The following GPR21 variants were observed in gnomAD, a reference collection of about 807,000 sequenced individuals.
GPR21 encodes the protein G protein-coupled receptor 21.
In GPR21, 9 loss-of-function variants were observed where a neutral mutation model predicts 21.5. The ratio of observed to expected loss-of-function variants is 0.42; its 90% confidence interval spans 0.25 to 0.73. GPR21 has a LOEUF of 0.73. Among genes scored for constraint, GPR21 ranks in the 30% least tolerant of loss-of-function variants. The pLI is 0.27. For synonymous variants in GPR21, 169 were observed against 159.3 expected, an observed-to-expected ratio of 1.06 and a Z score of -0.46; for missense variants, 416 against 428.9, an observed-to-expected ratio of 0.97 and a Z score of 0.27.
chr9:123,040,696 T>G, the GPR21 span, among the ~76,000 whole-genome samples: 1 of 152,148 alleles, frequency 6.6e-6, no homozygotes, highest in South Asian at 2.1e-4. Flanking sequence ...CATCTTTGTT[T>G]TTTACGTTAG....
At chr9:123,038,544 C>G (rs2032790212), downstream of GPR21, among the ~76,000 whole-genome samples, 1 of 152,068 alleles carries the variant, frequency 6.6e-6, no homozygotes, top group South Asian at 2.1e-4. Context: ...TTTAATTTCA[C>G]TGAGTATGTT....
chr9:123,043,264 C>G, the GPR21 span, among the ~76,000 whole-genome samples: 1 of 152,070 alleles, frequency 6.6e-6, no homozygotes, highest in African/African-American at 2.4e-5. Flanking sequence ...GAAAACAATT[C>G]CCACAGGAAG....
chr9:123,035,340 T>C lies in GPR21; in HGVS notation c.774T>C (p.Thr258=), dbSNP rs759479357. Reference sequence around the variant, plus strand: ...ATGCCATGGTCCTGTTTCGAATCACTAGTGTATTTTACATCCTCTGGTTGC... The same window carrying C: ...ATGCCATGGTCCTGTTTCGAATCACCAGTGTATTTTACATCCTCTGGTTGC... ...KRYAMVLFRI[T]SVFYILWLPY... is the part of the protein sequence containing the mutation. The change falls in exon 2 of 2, where the codon ACT becomes ACC. Residue 258 remains threonine, a synonymous_variant. Transcript: ENST00000616002. 8 of 1,614,168 alleles carry C rather than the reference T, an allele frequency of 5.0e-6. No individual in the cohort carries two copies. The highest frequency in any genetic ancestry group is 6.8e-6 in the Non-Finnish European group (8 of 1,180,008).
downstream of GPR21, among the ~76,000 whole-genome samples, chr9:123,040,383 C>G (rs1195853229): frequency 6.6e-6 from 1 of 152,130 alleles, no homozygotes; most frequent in Non-Finnish European, 1.5e-5. Flanking sequence ...TATTCAGAAG[C>G]TTGCTTGGTG....
chr9:123,038,671 A>T (rs1820108432), downstream of GPR21, among the ~76,000 whole-genome samples: 2 of 152,060 alleles, frequency 1.3e-5, no homozygotes, highest in Non-Finnish European at 2.9e-5. Flanking sequence ...TGAAGTCCTC[A>T]TAAATCATTT....
chr9:123,036,059 A>G (rs925859264), downstream of GPR21, among the ~76,000 whole-genome samples: 4 of 152,234 alleles, frequency 2.6e-5, no homozygotes, highest in African/African-American at 9.6e-5. Context: ...TTCTAACGGA[A>G]TAGTAAAATA....
the GPR21 span, among the ~76,000 whole-genome samples, chr9:123,047,084 T>C: frequency 6.6e-6 from 1 of 152,206 alleles, no homozygotes; most frequent in African/African-American, 2.4e-5. Flanking sequence ...ATAGGAGTTT[T>C]CAGCAGGTTT....
At chr9:123,038,075 G>C (rs1394260789), downstream of GPR21, among the ~76,000 whole-genome samples, 3 of 152,108 alleles carry the variant, frequency 2.0e-5, no homozygotes, top group African/African-American at 7.2e-5. Flanking sequence ...TTGTAAACTA[G>C]TTGTATTTTT....
chr9:123,036,354 A>G (rs1483001436), downstream of GPR21, among the ~76,000 whole-genome samples: 4 of 152,244 alleles, frequency 2.6e-5, no homozygotes, highest in East Asian at 1.9e-4. Flanking sequence ...GTAATCGTGT[A>G]GTACTTTTGC....
chr9:123,045,598 A>G, the GPR21 span, among the ~76,000 whole-genome samples: 1 of 152,338 alleles, frequency 6.6e-6, no homozygotes, highest in African/African-American at 2.4e-5. Flanking sequence ...AATCTGTCTG[A>G]ATGTTAGAAG....
the GPR21 span, among the ~76,000 whole-genome samples, chr9:123,043,050 A>G: frequency 6.6e-6 from 1 of 152,152 alleles, no homozygotes; most frequent in African/African-American, 2.4e-5. Context: ...GTGATTTCCA[A>G]CCCACAATTT....
chr9:123,045,505 T>G, the GPR21 span, among the ~76,000 whole-genome samples: 1 of 152,228 alleles, frequency 6.6e-6, no homozygotes, highest in South Asian at 2.1e-4. Context: ...ATACTGAGGA[T>G]GTGTATTGTA....
Position 123,035,515 on chromosome 9 carries a change from C to T in GPR21, c.949C>T (p.Arg317Cys). ...CAGTGTATTCCAAAGAGGACTAAAG[C>T]GCCTCTCAGGGGCTATGTGTACTTC... is the stretch of plus-strand genomic sequence containing the variant. Reference protein sequence around the residue: ...SNSVFQRGLKRLSGAMCTSCA... With the variant: ...SNSVFQRGLKCLSGAMCTSCA... The change falls in exon 2 of 2, where the codon CGC (arginine) becomes TGC (cysteine). Residue 317 changes from arginine (R) to cysteine (C), a missense_variant. Transcript: ENST00000616002. The T allele has an allele frequency of 6.2e-7, 1 of 1,613,626 alleles. No individual in the cohort carries two copies. Among genetic ancestry groups the T allele is most frequent in the Non-Finnish European group, 8.5e-7 (1 of 1,179,586 alleles).
the GPR21 span, among the ~76,000 whole-genome samples, chr9:123,040,862 G>A: frequency 6.6e-6 from 1 of 152,174 alleles, no homozygotes; most frequent in Non-Finnish European, 1.5e-5. Flanking sequence ...AGGCAGATGA[G>A]TTGGAAAGGA....
the GPR21 span, among the ~76,000 whole-genome samples, chr9:123,043,900 C>CTTTT: frequency 1.5e-5 from 2 of 129,428 alleles, no homozygotes; most frequent in African/African-American, 2.9e-5. Context: ...GTATTATTTT[C>CTTTT]TTTTTTTTTT....
chr9:123,036,498 A>G (rs2032669705), downstream of GPR21, among the ~76,000 whole-genome samples: 1 of 152,238 alleles, frequency 6.6e-6, no homozygotes, highest in South Asian at 2.1e-4. Context: ...GTGACTATAT[A>G]CAAAAATGTG....
At chr9:123,036,279 T>C (rs912749625), downstream of GPR21, among the ~76,000 whole-genome samples, 3 of 152,200 alleles carry the variant, frequency 2.0e-5, no homozygotes, top group African/African-American at 7.2e-5. Context: ...TTATACAATT[T>C]ATGAAAAACT....
At chr9:123,046,614 T>C in the GPR21 span, among the ~76,000 whole-genome samples, 3 of 152,350 alleles carry the variant, frequency 2.0e-5, no homozygotes, top group Non-Finnish European at 4.4e-5. Flanking sequence ...AATGAGCTAA[T>C]GCATGTAAAG....
chr9:123,046,433 CTG>C, the GPR21 span, among the ~76,000 whole-genome samples: 257 of 152,248 alleles, frequency 1.7e-3, no homozygotes, highest in Non-Finnish European at 2.8e-3. Flanking sequence ...AATAAGGAGA[CTG>C]TGTAATGTGT....
Sources: gnomAD v4.1 joint callset for allele counts (sites outside exome capture counted in the v4.1 genomes callset) on GRCh38, gnomAD v4.1.1 for gene constraint, MANE v1.5 for transcripts, NCBI Gene and HGNC (gene_info 2026-07-23, HGNC 2026-07-21) for gene names.